The following XPNPEP3 variants were observed in gnomAD, a reference collection of about 807,000 sequenced individuals.
XPNPEP3 encodes xaa-Pro aminopeptidase 3.
Under a neutral mutation model 60.0 loss-of-function variants are expected in XPNPEP3, and 41 were observed. The observed-to-expected ratio is 0.68, with a 90% CI of 0.53 to 0.89. The LOEUF (loss-of-function observed/expected upper bound fraction) is 0.89. Among genes scored for constraint, XPNPEP3 ranks in the 40% least tolerant of loss-of-function variants. The pLI, the probability that XPNPEP3 is intolerant of heterozygous loss-of-function variation, is 0.00. For synonymous variants in XPNPEP3, 212 were observed against 223.2 expected, an observed-to-expected ratio of 0.95 and a Z score of 0.45; for missense variants, 598 against 638.9, an observed-to-expected ratio of 0.94 and a Z score of 0.69.
At chr22:40,907,279 G>C in intron 4 of XPNPEP3, 2 of 421,094 alleles carry the variant, frequency 4.7e-6, no homozygotes, top group Non-Finnish European at 9.3e-6. Flanking sequence ...AAATTAGCCG[G>C]GTGTGGTGGC....
intron 6 of XPNPEP3, among the ~76,000 whole-genome samples, 175 bp from the exon 7 acceptor site, chr22:40,914,064 C>T (rs538925959): frequency 1.5e-4 from 23 of 151,318 alleles, no homozygotes; most frequent in African/African-American, 3.2e-4. Flanking sequence ...ATCGCTTGAA[C>T]GCGGGAAGCG....
chr22:40,889,014 T>TTTTG (rs1569022576), intron 4 of XPNPEP3, among the ~76,000 whole-genome samples: 1 of 151,980 alleles, frequency 6.6e-6, no homozygotes, highest in East Asian at 1.9e-4. Context: ...AATGGTTTTT[T>TTTTG]TTTTGTTTTG....
chr22:40,885,695 A>G (rs1157368073), intron 3 of XPNPEP3, among the ~76,000 whole-genome samples: 1 of 152,168 alleles, frequency 6.6e-6, no homozygotes, highest in African/African-American at 2.4e-5. Context: ...TAATTGTTTA[A>G]TAATGAAGGC....
At chr22:40,923,881 T>C (rs1157105486) in intron 8 of XPNPEP3, among the ~76,000 whole-genome samples, 1 of 151,984 alleles carries the variant, frequency 6.6e-6, no homozygotes, top group Non-Finnish European at 1.5e-5. Context: ...CCCAAGCTGG[T>C]AGGTGCCCAA....
intron 2 of XPNPEP3, among the ~76,000 whole-genome samples, chr22:40,881,184 T>C (rs2058046596): frequency 6.6e-6 from 1 of 152,112 alleles, no homozygotes; most frequent in African/African-American, 2.4e-5. Flanking sequence ...TAGCTGGGAT[T>C]ACAGGCATGC....
intron 4 of XPNPEP3, among the ~76,000 whole-genome samples, chr22:40,898,409 G>A (rs977638028): frequency 4.3e-5 from 6 of 138,332 alleles, no homozygotes; most frequent in Non-Finnish European, 7.5e-5. Flanking sequence ...GCCCGCCACC[G>A]CGCCCGGCTA....
intron 7 of XPNPEP3, among the ~76,000 whole-genome samples, chr22:40,922,049 C>CT (rs1222748206): frequency 6.6e-6 from 1 of 151,998 alleles, no homozygotes; most frequent in African/African-American, 2.4e-5. Context: ...TGCCCACTGA[C>CT]TGCACTCATG....
rs1569036611 is a variant in XPNPEP3, at chr22:40,932,422, G to GT, written c.*5993dup. 6.6e-6 allele frequency: 1 copy of GT among 151,972 alleles called. No individual in the cohort carries two copies. Among genetic ancestry groups the GT allele is most frequent in the Non-Finnish European group, 1.5e-5 (1 of 68,002 alleles). The allele number at this position is 151,972 out of a possible 1,614,324, so 9.4% of individuals were successfully genotyped here. A position where few individuals can be genotyped will look rare whatever the true frequency, so the allele number is the denominator to read the frequency against. On this transcript the variant is annotated 3_prime_UTR_variant, in exon 10 of 10. Coordinates refer to ENST00000357137, the MANE Select transcript of XPNPEP3 (RefSeq NM_022098.4). Reference sequence around the variant, plus strand: ...AGCCTGAGAAAATATAATTTGAGGTGTTTTTTATGCTCCTAATGAAAAGAT... The same window carrying GT: ...AGCCTGAGAAAATATAATTTGAGGTGTTTTTTTATGCTCCTAATGAAAAGAT...
intron 7 of XPNPEP3, among the ~76,000 whole-genome samples, chr22:40,920,849 A>G (rs757346012): frequency 2.0e-5 from 3 of 151,722 alleles, no homozygotes; most frequent in African/African-American, 4.8e-5. Flanking sequence ...CTGGAGTGCA[A>G]TGGCGCAATC....
chr22:40,922,470 ACTTGGGG>A lies in XPNPEP3; in HGVS notation c.1194_1200del (p.Asp398GlufsTer3). On this transcript the variant is annotated frameshift_variant, in exon 8 of 10. Transcript: ENST00000357137. LOFTEE classifies it high-confidence loss of function. ...ACCCTGATAGGACAGAAGCTTAAAG[ACTTGGGG>A]ATCATGAAGAACATTAAGGAAAATA... The A allele has an allele frequency of 1.2e-6, 2 of 1,614,080 alleles. No individual in the cohort carries two copies. Among genetic ancestry groups the A allele is most frequent in the Non-Finnish European group, 1.7e-6 (2 of 1,179,992 alleles).
chr22:40,895,342 CT>C (rs67052516), intron 4 of XPNPEP3, among the ~76,000 whole-genome samples: 41 of 145,796 alleles, frequency 2.8e-4, no homozygotes, highest in Non-Finnish European at 2.9e-4. Context: ...CTTTTCTTTT[CT>C]TTTTTTTTTT....
intron 4 of XPNPEP3, among the ~76,000 whole-genome samples, chr22:40,898,344 C>T (rs1465181368): frequency 1.5e-5 from 2 of 130,312 alleles, no homozygotes; most frequent in South Asian, 2.2e-4. Context: ...AGCTCCGCTT[C>T]CCGGGTTCAC....
intron 1 of XPNPEP3, 103 bp downstream of exon 1, chr22:40,857,348 C>A: frequency 7.9e-7 from 1 of 1,273,318 alleles, no homozygotes; most frequent in Non-Finnish European, 1.1e-6. Context: ...CTGGTGGGGC[C>A]TCCGCTCCCC....
intron 4 of XPNPEP3, chr22:40,907,128 A>C (rs1249323069): frequency 4.4e-6 from 2 of 456,504 alleles, no homozygotes; most frequent in East Asian, 1.4e-4. Flanking sequence ...CCTTTCAGAA[A>C]TCCGTATTAT....
chr22:40,857,835 G>T (rs1374813556), intron 1 of XPNPEP3, among the ~76,000 whole-genome samples: 2 of 152,198 alleles, frequency 1.3e-5, no homozygotes, highest in African/African-American at 4.8e-5. Context: ...CTTGCAGGCG[G>T]ATCTGCCATT....
chr22:40,896,295 C>G (rs1432320090), intron 4 of XPNPEP3, among the ~76,000 whole-genome samples: 1 of 152,136 alleles, frequency 6.6e-6, no homozygotes, highest in Non-Finnish European at 1.5e-5. Context: ...TCCCAAAGTG[C>G]TGGGATTACA....
intron 7 of XPNPEP3, chr22:40,917,438 C>T (rs1174835565): frequency 6.6e-6 from 1 of 151,808 alleles, no homozygotes; most frequent in Non-Finnish European, 1.5e-5. Context: ...TAGGGAGTGA[C>T]TGCTAACAGA....
chr22:40,898,114 C>G (rs536928371), intron 4 of XPNPEP3, among the ~76,000 whole-genome samples: 26 of 150,022 alleles, frequency 1.7e-4, no homozygotes, highest in Non-Finnish European at 3.1e-4. Context: ...TTGTTGTTAA[C>G]TGTGCTTTTG....
chr22:40,857,378 A>G, intron 1 of XPNPEP3, 133 bp downstream of exon 1: 1 of 1,000,946 alleles, frequency 1.0e-6, no homozygotes, highest in Non-Finnish European at 1.5e-6. Flanking sequence ...TGCTCCGCGG[A>G]TTTCTTCTAT....
Sources: allele counts gnomAD v4.1 joint callset (sites outside exome capture counted in the v4.1 genomes callset), GRCh38; gene constraint gnomAD v4.1.1; transcripts MANE v1.5; gene names NCBI Gene and HGNC (gene_info 2026-07-23, HGNC 2026-07-21).